The following ZSCAN31 variants were observed in gnomAD, a reference collection of about 807,000 sequenced individuals.
ZSCAN31 encodes zinc finger and SCAN domain containing 31, also known as zinc finger and SCAN domain-containing protein 31.
A neutral mutation model predicts 22.5 loss-of-function variants in ZSCAN31; 14 were observed. The ratio of observed to expected loss-of-function variants is 0.62; its 90% CI spans 0.41 to 0.97. ZSCAN31 has a LOEUF of 0.97. Among genes scored for constraint, ZSCAN31 ranks in the 50% least tolerant of loss-of-function variants. The pLI, the probability that ZSCAN31 is intolerant of heterozygous loss-of-function variation, is 0.00. For synonymous variants in ZSCAN31, 168 were observed against 169.8 expected (o/e 0.99, Z 0.08); for missense variants, 424 against 483.4 (o/e 0.88, Z 1.15).
chr6:28,352,964 C>CT (rs5875156), intron 2 of ZSCAN31, among the ~76,000 whole-genome samples: 3,344 of 129,872 alleles, frequency 0.026, 118 homozygotes, highest in East Asian at 0.19. Context: ...TTTTCTTTTT[C>CT]TTTTTTTTTT....
chr6:28,354,099 C>T (rs895486558), intron 1 of ZSCAN31: 1 of 374,332 alleles, frequency 2.7e-6, no homozygotes, highest in African/African-American at 2.1e-5. Context: ...TACAGCTGTA[C>T]TCCTTGGCAT....
upstream of ZSCAN31, chr6:28,356,239 G>C (rs1046869382): frequency 6.6e-6 from 1 of 152,276 alleles, no homozygotes; most frequent in African/African-American, 2.4e-5. Context: ...CTTTGAGCTG[G>C]AACGCTCCGG....
At position 28,331,631 on chromosome 6, in the gene ZSCAN31, T is replaced by C. The variant is rs1358814507; in HGVS notation, c.-95-1853A>G. Among the ~76,000 whole-genome samples, 2 of 152,192 alleles carry C rather than the reference T, an allele frequency of 1.3e-5. No homozygotes were observed. Among genetic ancestry groups the C allele is most frequent in the African/African-American group, 2.4e-5 (1 of 41,448 alleles). On this transcript the variant is annotated intron_variant, in intron 1 of 3. Transcript: ENST00000344279. This position sits in a 1 kb window ranked among gnomAD's most constrained non-coding sequence, Gnocchi z 4.8. ...ACTCCTTACTGTAGCATCTGGTAATTTGGTTTGTTGAGTCTTCAGTGCAGA... is the reference window on the plus strand; with the variant it reads ...ACTCCTTACTGTAGCATCTGGTAATCTGGTTTGTTGAGTCTTCAGTGCAGA...
chr6:28,350,346 C>T (rs921271121), intron 2 of ZSCAN31: 1 of 152,132 alleles, frequency 6.6e-6, no homozygotes, highest in Admixed American at 6.5e-5. Flanking sequence ...AGACAAGCCT[C>T]GAGAATGGGA....
At chr6:28,335,842 G>C (rs1163498037) in intron 1 of ZSCAN31, 1 of 152,128 alleles carries the variant, frequency 6.6e-6, no homozygotes, top group South Asian at 2.1e-4. Context: ...TTGTGTCTGC[G>C]CTCCTTTATC....
chr6:28,328,396 C>G (rs1002656395), intron 2 of ZSCAN31, among the ~76,000 whole-genome samples: 3 of 152,218 alleles, frequency 2.0e-5, no homozygotes, highest in African/African-American at 7.2e-5. Flanking sequence ...AGACCTACCC[C>G]CAGGCGCACA....
Position 28,326,330 on chromosome 6 carries a change from A to G in ZSCAN31, c.1057T>C (p.Cys353Arg), listed in dbSNP as rs764355114. The G allele has an allele frequency of 6.2e-7, 1 of 1,614,236 alleles. No individual in the cohort carries two copies. The highest frequency in any genetic ancestry group is 8.5e-7 in the Non-Finnish European group (1 of 1,180,038). The change falls in exon 4 of 4, where the codon TGT becomes CGT. Residue 353 changes from cysteine (C) to arginine (R), a missense_variant. Coordinates refer to ENST00000344279, the MANE Select transcript of ZSCAN31 (RefSeq NM_030899.5). Reference sequence around the variant, plus strand: ...ATGAAGGCTTTGCCACACTCACGACACTGATAGCGCTTCTCTCCAGTGTGT... The same window carrying G: ...ATGAAGGCTTTGCCACACTCACGACGCTGATAGCGCTTCTCTCCAGTGTGT... ...RIHTGEKRYQ[C>R]RECGKAFIQN... is the part of the protein sequence containing the mutation.
chr6:28,329,191 T>A lies in ZSCAN31; in HGVS notation c.381+112A>T, dbSNP rs1203660818. ...TTGGCCATTAAGGTTTAGGGGTAAT[T>A]TGTTACACAACAGAGAACTAATACA... On this transcript the variant is annotated intron_variant, in intron 2 of 3. Coordinates refer to ENST00000344279, the MANE Select transcript of ZSCAN31 (RefSeq NM_030899.5). 3.0e-6 allele frequency: 4 copies of A among 1,323,080 alleles called. No homozygotes were observed. In the East Asian group the frequency reaches 7.0e-5, roughly 23 times the overall value. 82.0% of individuals were successfully genotyped at this position (1,323,080 alleles called of 1,614,324 possible). A position where few individuals can be genotyped will look rare whatever the true frequency, so the allele number is the denominator to read the frequency against.
At chr6:28,340,727 T>C (rs1764378362), upstream of ZSCAN31, among the ~76,000 whole-genome samples, 1 of 152,248 alleles carries the variant, frequency 6.6e-6, no homozygotes, top group Non-Finnish European at 1.5e-5. Context: ...TAAAATGATA[T>C]TATTTTTGCT....
chr6:28,339,037 A>G (rs1425333507), upstream of ZSCAN31, among the ~76,000 whole-genome samples: 4 of 152,198 alleles, frequency 2.6e-5, no homozygotes, highest in Non-Finnish European at 5.9e-5. Context: ...TGTCTTTGTC[A>G]ATATCAGTAT....
chr6:28,326,913 A>G (rs1481367581), intron 3 of ZSCAN31, 59 bp from the exon 4 acceptor site: 4 of 1,399,944 alleles, frequency 2.9e-6, no homozygotes, highest in Non-Finnish European at 3.9e-6. Flanking sequence ...GAATACAATC[A>G]TAGGATGGAA....
In ZSCAN31 at chr6:28,349,848, G is replaced by A. The variant is rs970373844; in HGVS notation, c.-371+4014C>T. Reference sequence around the variant, plus strand: ...AAGCCTCTTTAATAGCAAAAGGGGAGGGGACACAAGGTGCCGAGCTAGCAA... The same window carrying A: ...AAGCCTCTTTAATAGCAAAAGGGGAAGGGACACAAGGTGCCGAGCTAGCAA... On this transcript the variant is annotated intron_variant, in intron 2 of 7. Coordinates refer to the ZSCAN31 transcript ENST00000396838. This position sits in a 1 kb window ranked among gnomAD's most constrained non-coding sequence, Gnocchi z 4.1. 5.9e-5 allele frequency: 9 copies of A among 152,240 alleles called. No individual in the cohort carries two copies. Among genetic ancestry groups the A allele is most frequent in the Admixed American group, 5.9e-4 (9 of 15,284 alleles). The allele number at this position is 152,240 out of a possible 1,614,324, so 9.4% of individuals were successfully genotyped here. A position where few individuals can be genotyped will look rare whatever the true frequency, so the allele number is the denominator to read the frequency against.
At chr6:28,330,518 T>C (rs1001827864) in intron 1 of ZSCAN31, among the ~76,000 whole-genome samples, 1 of 152,176 alleles carries the variant, frequency 6.6e-6, no homozygotes. Context: ...GACATGATGC[T>C]AAAAGGAAAT....
chr6:28,348,950 CAT>C (rs1364193687), intron 2 of ZSCAN31, among the ~76,000 whole-genome samples: 3 of 149,962 alleles, frequency 2.0e-5, no homozygotes, highest in South Asian at 2.1e-4. Flanking sequence ...ATACATGTCT[CAT>C]ATACATAGGT....
rs571770609 is a variant in ZSCAN31, at chr6:28,324,849, G to C, written c.*1317C>G. On this transcript the variant is annotated 3_prime_UTR_variant, in exon 4 of 4. Coordinates refer to ENST00000344279, the MANE Select transcript of ZSCAN31 (RefSeq NM_030899.5). This position sits in a 1 kb window ranked among gnomAD's most constrained non-coding sequence, Gnocchi z 4.8. ...ACAAGAATGTCAGCAGAGGCATTTC[G>C]TATCCTAATTTTAACATGATACTTA... 6.6e-6 allele frequency: 1 copy of C among 152,150 alleles called. No individual in the cohort carries two copies. Among genetic ancestry groups the C allele is most frequent in the Non-Finnish European group, 1.5e-5 (1 of 68,024 alleles). 9.4% of individuals were successfully genotyped at this position (152,150 alleles called of 1,614,324 possible). A position where few individuals can be genotyped will look rare whatever the true frequency, so the allele number is the denominator to read the frequency against.
At position 28,326,831 on chromosome 6, in the gene ZSCAN31, G is replaced by A; in HGVS notation, c.556C>T (p.Gln186Ter). The A allele has an allele frequency of 6.2e-7, 1 of 1,611,402 alleles. No individual in the cohort carries two copies. ...ATTTCTTGCTTTGATGCCAACTCCT[G>A]GTTCTCAGGTATACTTTCACCATCT... is the stretch of plus-strand genomic sequence containing the variant. The part of the protein sequence containing the change: ...EQDGESIPEN[Q>*]ELASKQEILK... The change falls in exon 4 of 4, where the codon CAG becomes TAG. Residue 186 changes from glutamine to a stop codon, truncating the protein, a stop_gained. Coordinates refer to ENST00000344279, the MANE Select transcript of ZSCAN31 (RefSeq NM_030899.5). LOFTEE classifies it low-confidence loss of function (END_TRUNC).
rs200975504 is a variant in ZSCAN31 at position 28,329,583 on chromosome 6, C to G, written c.101G>C (p.Gly34Ala). The change falls in exon 2 of 4, where the codon GGC (glycine) becomes GCC (alanine). Residue 34 changes from glycine to alanine, a missense_variant. Physicochemically the swap from Gly to Ala is moderately conservative, Grantham distance 60. Coordinates refer to ENST00000344279, the MANE Select transcript of ZSCAN31 (RefSeq NM_030899.5). Reference sequence around the variant, plus strand: ...AAAAAGTTGTCGGGAGGCTTCTTGGCCAGAAAAGTTGTTCCCTCGAAGGTG... The same window carrying G: ...AAAAAGTTGTCGGGAGGCTTCTTGGGCAGAAAAGTTGTTCCCTCGAAGGTG... The part of the protein sequence containing the change: ...ETHLRGNNFS[G>A]QEASRQLFRQ... 300 of 1,614,176 alleles carry G rather than the reference C, an allele frequency of 1.9e-4. 2 individuals are homozygous for G. In the East Asian group the frequency reaches 6.0e-3, roughly 32 times the overall value.
Position 28,329,321 on chromosome 6 carries a change from A to T in ZSCAN31, c.363T>A (p.Leu121=), listed in dbSNP as rs1167380611. The change falls in exon 2 of 4, where the codon CTT becomes CTA. Residue 121 remains leucine, a synonymous_variant. Coordinates refer to ENST00000344279, the MANE Select transcript of ZSCAN31 (RefSeq NM_030899.5). ...CTCTCACCTGGTTCCCTGGCTCACT[A>T]AGCTCTTGTTCCAGATCTTCAACTA... ...VAVVEDLEQE[L]SEPGNQAPDH... is the part of the protein sequence containing the mutation. 6.3e-6 allele frequency: 10 copies of T among 1,586,982 alleles called. No individual in the cohort carries two copies. The highest frequency in any genetic ancestry group is 1.7e-6 in the Non-Finnish European group (2 of 1,168,922).
At chr6:28,338,594 A>G (rs941216668), upstream of ZSCAN31, among the ~76,000 whole-genome samples, 6 of 152,056 alleles carry the variant, frequency 3.9e-5, no homozygotes, top group Non-Finnish European at 8.8e-5. Context: ...AAATGCTGGG[A>G]TTAAAGGTGT....
Sources: allele counts gnomAD v4.1 joint callset (sites outside exome capture counted in the v4.1 genomes callset), GRCh38; gene constraint gnomAD v4.1.1; non-coding constraint Gnocchi (gnomAD v3.1); transcripts MANE v1.5; gene names NCBI Gene and HGNC (gene_info 2026-07-23, HGNC 2026-07-21).